CCT7: variants seen among roughly 807,000 people sequenced by gnomAD.
CCT7 encodes chaperonin containing TCP1 subunit 7, also known as T-complex protein 1 subunit eta.
Under a neutral mutation model 56.6 loss-of-function variants are expected in CCT7, and 16 were observed. The observed-to-expected ratio is 0.28, with a 90% CI of 0.19 to 0.43. The LOEUF is 0.43. Ranked by LOEUF, CCT7 falls within the 20% of genes least tolerant of loss-of-function variation. The probability of loss-of-function intolerance (pLI) is 1.00; values close to 1 mark genes in which losing one functional copy is unlikely to be tolerated. For missense variants in CCT7, 519 were observed against 685.6 expected, an observed-to-expected ratio of 0.76 and a Z score of 2.71; for synonymous variants, 262 against 254.8, an observed-to-expected ratio of 1.03 and a Z score of -0.27.
chr2:73,241,116 C>G (rs1190570455), intron 3 of CCT7, among the ~76,000 whole-genome samples: 8 of 149,968 alleles, frequency 5.3e-5, no homozygotes, highest in Non-Finnish European at 1.5e-5. Context: ...TAATTCATGG[C>G]ATTAACCAGT....
intron 4 of CCT7, 113 bp from the exon 5 acceptor site, chr2:73,243,884 T>G (rs1687217981): frequency 1.1e-6 from 1 of 903,896 alleles, no homozygotes; most frequent in Admixed American, 2.1e-5. Context: ...AGCTGTAGAG[T>G]AGAAATGCTT....
At chr2:73,246,827 C>A (rs1019686928) in intron 6 of CCT7, among the ~76,000 whole-genome samples, 5 of 152,192 alleles carry the variant, frequency 3.3e-5, no homozygotes, top group African/African-American at 7.2e-5. Context: ...GCATCACTCC[C>A]TTTAGGAAGC....
chr2:73,242,348 T>C (rs538774535), intron 3 of CCT7, among the ~76,000 whole-genome samples: 1 of 152,262 alleles, frequency 6.6e-6, no homozygotes, highest in Non-Finnish European at 1.5e-5. Context: ...GGTGCGATCT[T>C]GGCTCACTGC....
At position 73,252,675 on chromosome 2, in the gene CCT7, G is replaced by A. The variant is rs1687647110; in HGVS notation, c.1446G>A (p.Glu482=). ...GGTATGGAGTAGACATCAACAACGA[G>A]GACATTGCTGACAACTTTGAAGCTT... The part of the protein sequence containing the change: ...GTWYGVDINN[E]DIADNFEAFV... Residue 482 remains glutamate (E), a synonymous_variant, in exon 12 of 12, where the codon GAG becomes GAA. Transcript: ENST00000258091. 1.2e-6 allele frequency: 2 copies of A among 1,614,038 alleles called. No homozygotes were observed. The highest frequency in any genetic ancestry group is 8.5e-7 in the Non-Finnish European group (1 of 1,179,922).
intron 9 of CCT7, 82 bp from the exon 10 acceptor site, chr2:73,250,224 T>G (rs1184615171): frequency 8.5e-6 from 13 of 1,523,306 alleles, no homozygotes; most frequent in East Asian, 6.8e-5. Flanking sequence ...TGCTGAGTGT[T>G]GGGGGGGCTG....
At chr2:73,245,676 T>A (rs1324515661) in intron 6 of CCT7, among the ~76,000 whole-genome samples, 1 of 152,192 alleles carries the variant, frequency 6.6e-6, no homozygotes, top group Non-Finnish European at 1.5e-5. Flanking sequence ...TGACCTCAAC[T>A]GAAGCGATTT....
chr2:73,237,622 C>CA (rs2103761549), intron 1 of CCT7: 1 of 152,206 alleles, frequency 6.6e-6, no homozygotes, highest in South Asian at 2.1e-4. Context: ...CATTTCTTGC[C>CA]ACCAGACCTG....
At chr2:73,235,443 C>G in intron 1 of CCT7, 1 of 462,106 alleles carries the variant, frequency 2.2e-6, no homozygotes, top group Non-Finnish European at 2.9e-6. Flanking sequence ...GTTAGGGACG[C>G]AGACACCTTT....
chr2:73,251,218 C>T lies in CCT7; in HGVS notation c.1204-8C>T. The T allele has an allele frequency of 6.2e-7, 1 of 1,613,958 alleles. No individual in the cohort carries two copies. The highest frequency in any genetic ancestry group is 8.5e-7 in the Non-Finnish European group (1 of 1,179,878). On this transcript the variant is annotated splice_region_variant and splice_polypyrimidine_tract_variant and intron_variant, in intron 10 of 11. Transcript: ENST00000258091. ...CTCTTACATTGAGAGGTGGTCTGAT[C>T]TCTGCAGAATGATTCAGTGGTGGCT...
chr2:73,250,483 A>G (rs377533916), intron 10 of CCT7, 45 bp downstream of exon 10: 17 of 1,606,890 alleles, frequency 1.1e-5, no homozygotes, highest in Admixed American at 1.0e-4. Context: ...ACTCTCTCCT[A>G]TCTCCCTAGC....
intron 4 of CCT7, chr2:73,243,747 G>A: frequency 2.1e-6 from 1 of 472,282 alleles, no homozygotes; most frequent in Non-Finnish European, 3.7e-6. Context: ...CAGACCCAGA[G>A]CAAAATCTTG....
intron 6 of CCT7, among the ~76,000 whole-genome samples, chr2:73,245,800 A>G (rs899636553): frequency 6.6e-6 from 1 of 152,172 alleles, no homozygotes; most frequent in Non-Finnish European, 1.5e-5. Context: ...ATGTCAGACC[A>G]GTGGGCTGAG....
In CCT7 at chr2:73,248,860, C is replaced by T. The variant is rs954291135; in HGVS notation, c.784-131C>T. ...TTGCTTGGACTGAGGAGTAGCTATT[C>T]TGTTTATCTCTGTTAATTCCCAGAT... On this transcript the variant is annotated intron_variant, in intron 7 of 11. Transcript: ENST00000258091. The T allele has an allele frequency of 4.3e-6, 3 of 702,152 alleles. No individual in the cohort carries two copies. In the African/African-American group the frequency reaches 5.4e-5, roughly 13 times the overall value. 43.5% of individuals were successfully genotyped at this position (702,152 alleles called of 1,614,324 possible).
intron 1 of CCT7, 113 bp downstream of exon 1, chr2:73,234,497 C>T: frequency 1.6e-6 from 2 of 1,264,804 alleles, no homozygotes; most frequent in Non-Finnish European, 2.2e-6. Flanking sequence ...CCTCTGTCCT[C>T]GCCCAGATCC....
In CCT7 at chr2:73,249,922, C is replaced by G; in HGVS notation, c.1070+6C>G. 6.9e-6 allele frequency: 11 copies of G among 1,596,234 alleles called. No individual in the cohort carries two copies. The highest frequency in any genetic ancestry group is 9.5e-6 in the Non-Finnish European group (11 of 1,163,628). On this transcript the variant is annotated splice_donor_region_variant and intron_variant, in intron 9 of 11. Coordinates refer to ENST00000258091, the MANE Select transcript of CCT7 (RefSeq NM_006429.4). ...ACCCAGATTGGAGGCGAGAGGTGAG[C>G]CGTGGGCCCAGGCCGAGCTCACAAA...
rs912210935 is a variant in CCT7 at position 73,239,977 on chromosome 2, T to C, written c.160+181T>C. The stretch of plus-strand genomic sequence containing the variant: ...ACTGCTGAGCCCGTGTGGGACTATA[T>C]GAGAGAACCTAGGCTCAGGAGCCTG... On this transcript the variant is annotated intron_variant, in intron 2 of 11. Coordinates refer to ENST00000258091, the MANE Select transcript of CCT7 (RefSeq NM_006429.4). 4 of 574,216 alleles carry C rather than the reference T, an allele frequency of 7.0e-6. No homozygotes were observed. In the South Asian group the frequency reaches 7.5e-5, roughly 11 times the overall value. The allele number at this position is 574,216 out of a possible 1,614,324, so 35.6% of individuals were successfully genotyped here.
intron 7 of CCT7, among the ~76,000 whole-genome samples, chr2:73,248,294 G>A (rs1286033064): frequency 1.3e-5 from 2 of 152,014 alleles, no homozygotes; most frequent in Admixed American, 1.3e-4. Flanking sequence ...ATGTTACCCA[G>A]GCTACCTCTG....
chr2:73,250,227 G>A (rs747981267), intron 9 of CCT7, 79 bp from the exon 10 acceptor site: 44 of 1,539,976 alleles, frequency 2.9e-5, no homozygotes, highest in Non-Finnish European at 3.7e-5. Flanking sequence ...TGAGTGTTGG[G>A]GGGGCTGGCA....
chr2:73,250,703 G>A (rs1017674001), intron 10 of CCT7, among the ~76,000 whole-genome samples: 5 of 152,022 alleles, frequency 3.3e-5, no homozygotes, highest in African/African-American at 7.2e-5. Context: ...TTGGAAGGCC[G>A]AGATGGGAGG....
Sources: allele counts gnomAD v4.1 joint callset (sites outside exome capture counted in the v4.1 genomes callset), GRCh38; gene constraint gnomAD v4.1.1; transcripts MANE v1.5; gene names NCBI Gene and HGNC (gene_info 2026-07-23, HGNC 2026-07-21).